The following CRYBG1 variants were observed in gnomAD, a reference collection of about 807,000 sequenced individuals.
CRYBG1 encodes crystallin beta-gamma domain containing 1, also known as beta/gamma crystallin domain-containing protein 1.
CRYBG1 carries 139 observed loss-of-function variants against 189.2 expected under a neutral mutation model. That is an observed-to-expected ratio of 0.73 (90% CI 0.64 to 0.85). CRYBG1 has a LOEUF of 0.85. Among genes scored for constraint, CRYBG1 ranks in the 40% least tolerant of loss-of-function variants. The pLI is 0.00. For missense variants in CRYBG1, 2,611 were observed against 2,675.8 expected (o/e 0.98, Z 0.53); for synonymous variants, 1,023 against 1,017.1 (o/e 1.01, Z -0.11).
intron 2 of CRYBG1, among the ~76,000 whole-genome samples, chr6:106,483,075 A>G (rs1772504664): frequency 6.6e-6 from 1 of 152,072 alleles, no homozygotes; most frequent in Non-Finnish European, 1.5e-5. Context: ...GTTATAGAAA[A>G]TCAGAACTTA....
chr6:106,424,791 A>G (rs1771195478), intron 1 of CRYBG1, among the ~76,000 whole-genome samples: 1 of 152,042 alleles, frequency 6.6e-6, no homozygotes, highest in Non-Finnish European at 1.5e-5. Context: ...GACCATCAGG[A>G]CTAACACCAC....
intron 13 of CRYBG1, among the ~76,000 whole-genome samples, chr6:106,550,360 A>G (rs1774367821): frequency 6.6e-6 from 1 of 152,252 alleles, no homozygotes; most frequent in Non-Finnish European, 1.5e-5. Flanking sequence ...CTTTGAGAGG[A>G]TCATGAGAAT....
intron 2 of CRYBG1, among the ~76,000 whole-genome samples, chr6:106,506,048 A>C (rs1305110272): frequency 6.6e-6 from 1 of 152,240 alleles, no homozygotes; most frequent in Non-Finnish European, 1.5e-5. Context: ...GAGAGGCTGC[A>C]GTAAACCTGT....
intron 1 of CRYBG1, among the ~76,000 whole-genome samples, chr6:106,407,297 A>C (rs1417741785): frequency 6.6e-6 from 1 of 152,236 alleles, no homozygotes; most frequent in Non-Finnish European, 1.5e-5. Context: ...AAAGAGCACT[A>C]CATAATGGTA....
At chr6:106,412,130 T>C (rs1363550971) in intron 1 of CRYBG1, among the ~76,000 whole-genome samples, 1 of 152,238 alleles carries the variant, frequency 6.6e-6, no homozygotes, top group Non-Finnish European at 1.5e-5. Context: ...GTATTAACCA[T>C]CACATCGTTA....
At chr6:106,480,150 G>A (rs987037608) in intron 2 of CRYBG1, among the ~76,000 whole-genome samples, 4 of 152,126 alleles carry the variant, frequency 2.6e-5, no homozygotes, top group African/African-American at 9.7e-5. Context: ...TCAGTGACAT[G>A]ATGCCAGGGG....
intron 2 of CRYBG1, among the ~76,000 whole-genome samples, chr6:106,503,437 C>T (rs76696854): frequency 0.087 from 13,233 of 152,162 alleles, 630 homozygotes; most frequent in African/African-American, 0.11. Context: ...TAAGCCATGC[C>T]TTCATAAAAG....
chr6:106,561,565 T>G, intron 20 of CRYBG1, 65 bp downstream of exon 20: 1 of 1,532,432 alleles, frequency 6.5e-7, no homozygotes, highest in Non-Finnish European at 8.8e-7. Flanking sequence ...TCCTTTCATA[T>G]GCTTTTGATC....
At chr6:106,517,006 C>CTTTTTTT (rs5878896) in intron 3 of CRYBG1, among the ~76,000 whole-genome samples, 1 of 106,664 alleles carries the variant, frequency 9.4e-6, no homozygotes. Flanking sequence ...ATGGTTTAGA[C>CTTTTTTT]TTTTTTTTTT....
chr6:106,378,854 A>G (rs1261672099), intron 1 of CRYBG1, among the ~76,000 whole-genome samples: 2 of 152,156 alleles, frequency 1.3e-5, no homozygotes, highest in Non-Finnish European at 2.9e-5. Flanking sequence ...AAATTAATGG[A>G]ATAAAATGAT....
intron 17 of CRYBG1, among the ~76,000 whole-genome samples, chr6:106,557,701 G>T (rs1042933440): frequency 1.3e-5 from 2 of 152,162 alleles, no homozygotes; most frequent in African/African-American, 4.8e-5. Flanking sequence ...CCAAAGTGCT[G>T]GGATGACAGG....
chr6:106,396,592 G>A (rs1245304131), intron 1 of CRYBG1, among the ~76,000 whole-genome samples: 9 of 152,210 alleles, frequency 5.9e-5, no homozygotes, highest in Admixed American at 5.9e-4. Context: ...GAGAGGTCAA[G>A]TTTAATGGTT....
chr6:106,512,449 C>G lies in CRYBG1; in HGVS notation c.1332C>G (p.Asp444Glu). Reference sequence around the variant, plus strand: ...AGCTCCCTGAGAGCGCTGCCAGGGACGACGCGGTGTTCGACGACGAGGTGG... The same window carrying G: ...AGCTCCCTGAGAGCGCTGCCAGGGAGGACGCGGTGTTCGACGACGAGGTGG... ...DAELPESAARDDAVFDDEVAP... is the reference protein window; with the variant it reads ...DAELPESAAREDAVFDDEVAP... Residue 444 changes from aspartate (D) to glutamate (E), a missense_variant, in exon 3 of 22, where the codon GAC (aspartate) becomes GAG (glutamate). By Grantham distance (45) the Asp-to-Glu change is conservative (BLOSUM62 2). This residue lies in a region of CRYBG1 where 985 missense variants were observed against 924.4 expected (regional missense o/e 1.07). Coordinates refer to ENST00000633556, the MANE Select transcript of CRYBG1 (RefSeq NM_001371242.2). 1.2e-6 allele frequency: 2 copies of G among 1,610,626 alleles called. No homozygotes were observed. The highest frequency in any genetic ancestry group is 1.7e-6 in the Non-Finnish European group (2 of 1,178,954).
intron 3 of CRYBG1, among the ~76,000 whole-genome samples, chr6:106,517,841 G>A (rs797005051): frequency 3.3e-5 from 5 of 152,250 alleles, no homozygotes; most frequent in African/African-American, 1.2e-4. Flanking sequence ...ATGCCAAACA[G>A]AGCACATTTT....
chr6:106,484,561 C>T (rs771354012), intron 2 of CRYBG1, among the ~76,000 whole-genome samples: 4 of 152,224 alleles, frequency 2.6e-5, no homozygotes, highest in Non-Finnish European at 5.9e-5. Context: ...CTTGAGCGAT[C>T]TTCCTGCCTT....
At chr6:106,513,550 A>T (rs1175356580) in intron 3 of CRYBG1, among the ~76,000 whole-genome samples, 1 of 152,238 alleles carries the variant, frequency 6.6e-6, no homozygotes, top group Non-Finnish European at 1.5e-5. Context: ...TTAAAAACAC[A>T]CAAGAAAAGT....
chr6:106,422,466 G>A (rs1049001071), intron 1 of CRYBG1, among the ~76,000 whole-genome samples: 14 of 151,814 alleles, frequency 9.2e-5, no homozygotes, highest in Non-Finnish European at 8.8e-5. Flanking sequence ...TGAGTAGCTG[G>A]GACCACAGGC....
chr6:106,557,414 T>A (rs530182643), intron 17 of CRYBG1, among the ~76,000 whole-genome samples: 14 of 152,122 alleles, frequency 9.2e-5, no homozygotes, highest in East Asian at 7.7e-4. Flanking sequence ...TTTTATTTTT[T>A]TTTTTTTTGA....
At chr6:106,552,655 G>C (rs1412692975) in intron 15 of CRYBG1, among the ~76,000 whole-genome samples, 1 of 145,686 alleles carries the variant, frequency 6.9e-6, no homozygotes, top group South Asian at 2.2e-4. Flanking sequence ...TCATTTTTAT[G>C]CCTGAAAGCA....
Sources: allele counts gnomAD v4.1 joint callset (sites outside exome capture counted in the v4.1 genomes callset), GRCh38; gene constraint gnomAD v4.1.1; regional missense constraint gnomAD v4.1.1; transcripts MANE v1.5; gene names NCBI Gene and HGNC (gene_info 2026-07-23, HGNC 2026-07-21).